Variants in ST6GALNAC1 observed in about 807,000 individuals in gnomAD.
ST6GALNAC1 encodes ST6 N-acetylgalactosaminide alpha-2,6-sialyltransferase 1.
ST6GALNAC1 carries 45 observed loss-of-function variants against 56.8 expected under a neutral mutation model. The ratio of observed to expected loss-of-function variants is 0.79; its 90% CI spans 0.62 to 1.02. ST6GALNAC1 has a LOEUF of 1.02. Ranked by LOEUF, ST6GALNAC1 falls within the 50% of genes least tolerant of loss-of-function variation. The probability of loss-of-function intolerance (pLI) is 0.00; values close to 1 mark genes in which losing one functional copy is unlikely to be tolerated. For synonymous variants in ST6GALNAC1, 295 were observed against 297.8 expected (o/e 0.99, Z 0.10); for missense variants, 743 against 754.8 (o/e 0.98, Z 0.18).
chr17:76,635,353 C>T (rs1038459705), intron 1 of ST6GALNAC1, among the ~76,000 whole-genome samples: 1 of 152,192 alleles, frequency 6.6e-6, no homozygotes, highest in Admixed American at 6.5e-5. Context: ...TGCCAGTCAG[C>T]TGGTTTGAAA....
the ST6GALNAC1 span, among the ~76,000 whole-genome samples, chr17:76,618,367 C>G: frequency 6.6e-6 from 1 of 152,138 alleles, no homozygotes; most frequent in Admixed American, 6.5e-5. Flanking sequence ...ATTCTTTAAT[C>G]TTCCCCTTTA....
intron 1 of ST6GALNAC1, 74 bp from the exon 2 acceptor site, chr17:76,629,785 T>TTTTG: frequency 1.0e-5 from 9 of 875,270 alleles, no homozygotes; most frequent in East Asian, 3.0e-5. Context: ...AGTTTTTTGT[T>TTTTG]TTTTTTTTTT....
downstream of ST6GALNAC1, among the ~76,000 whole-genome samples, chr17:76,621,621 G>A (rs1567948961): frequency 6.6e-6 from 1 of 151,948 alleles, no homozygotes; most frequent in Non-Finnish European, 1.5e-5. Flanking sequence ...AATTACAGGC[G>A]CCCACCACCA....
chr17:76,617,770 C>CAAA, the ST6GALNAC1 span, among the ~76,000 whole-genome samples: 1 of 101,378 alleles, frequency 9.9e-6, no homozygotes, highest in Non-Finnish European at 2.1e-5. Context: ...GACTCTGTCT[C>CAAA]AAAAAAAAAA....
downstream of ST6GALNAC1, among the ~76,000 whole-genome samples, chr17:76,623,807 T>G (rs189479974): frequency 6.6e-6 from 1 of 152,358 alleles, no homozygotes; most frequent in Non-Finnish European, 1.5e-5. Flanking sequence ...TACTTTGGAC[T>G]CGAGTAACAC....
At chr17:76,622,189 T>G (rs1308445497), downstream of ST6GALNAC1, among the ~76,000 whole-genome samples, 1 of 150,642 alleles carries the variant, frequency 6.6e-6, no homozygotes, top group Non-Finnish European at 1.5e-5. Flanking sequence ...TGTTCATATA[T>G]ATATATATAT....
At chr17:76,643,474 G>T in intron 1 of ST6GALNAC1, 34 bp downstream of exon 1, 1 of 1,609,140 alleles carries the variant, frequency 6.2e-7, no homozygotes, top group Non-Finnish European at 8.5e-7. Flanking sequence ...TCAAATGAAT[G>T]AAATATGAGG....
chr17:76,639,219 G>C (rs1025937401), intron 1 of ST6GALNAC1, among the ~76,000 whole-genome samples: 1 of 152,092 alleles, frequency 6.6e-6, no homozygotes, highest in Non-Finnish European at 1.5e-5. Context: ...TCATCAACAA[G>C]CATTTATAAA....
intron 1 of ST6GALNAC1, among the ~76,000 whole-genome samples, chr17:76,640,552 T>C (rs2076037198): frequency 6.6e-6 from 1 of 152,208 alleles, no homozygotes; most frequent in Non-Finnish European, 1.5e-5. Flanking sequence ...CTAGCTTGTC[T>C]TGGGTTTTTG....
At position 76,624,997 on chromosome 17, in the gene ST6GALNAC1, T is replaced by C; in HGVS notation, c.*333A>G. On this transcript the variant is annotated 3_prime_UTR_variant, in exon 9 of 9. Coordinates refer to ENST00000156626, the MANE Select transcript of ST6GALNAC1 (RefSeq NM_018414.5). ...TGGAATTCAAACCAGATCTATATGT[T>C]TCTGTAAATCCAGGCTCTTTTTTCT... The C allele has an allele frequency of 2.9e-6, 1 of 340,430 alleles. No individual in the cohort carries two copies. The highest frequency in any genetic ancestry group is 5.4e-6 in the Non-Finnish European group (1 of 184,348). The allele number at this position is 340,430 out of a possible 1,614,324, so 21.1% of individuals were successfully genotyped here.
intron 1 of ST6GALNAC1, among the ~76,000 whole-genome samples, chr17:76,632,311 G>T (rs1242421955): frequency 6.6e-6 from 1 of 151,914 alleles, no homozygotes; most frequent in Non-Finnish European, 1.5e-5. Context: ...CCTTAACTTG[G>T]CCGTGGCGGG....
chr17:76,640,366 C>G (rs8069348), intron 1 of ST6GALNAC1, among the ~76,000 whole-genome samples: 29,372 of 152,094 alleles, frequency 0.19, 3,617 homozygotes, highest in African/African-American at 0.35. Flanking sequence ...AGACCAGAAC[C>G]AGGCATCGCT....
chr17:76,635,346 C>T (rs776141462), intron 1 of ST6GALNAC1, among the ~76,000 whole-genome samples: 15 of 152,192 alleles, frequency 9.9e-5, no homozygotes, highest in Non-Finnish European at 1.6e-4. Context: ...GCCAGAATGC[C>T]AGTCAGCTGG....
intron 1 of ST6GALNAC1, 62 bp from the exon 2 acceptor site, chr17:76,629,773 G>C (rs1178570263): frequency 9.9e-7 from 1 of 1,010,032 alleles, no homozygotes; most frequent in Admixed American, 2.4e-5. Flanking sequence ...AGAAGCATAA[G>C]TAGTTTTTTG....
At chr17:76,621,153 TTCTTTTCTTC>T (rs2075735409), downstream of ST6GALNAC1, among the ~76,000 whole-genome samples, 4 of 150,718 alleles carry the variant, frequency 2.7e-5, no homozygotes, top group South Asian at 8.4e-4. Context: ...ATCCAGCTGT[TTCTTTTCTTC>T]TCTTTTCTTT....
At chr17:76,623,425 G>A (rs531336560), downstream of ST6GALNAC1, among the ~76,000 whole-genome samples, 50 of 152,282 alleles carry the variant, frequency 3.3e-4, no homozygotes, top group South Asian at 1.7e-3. Flanking sequence ...ATCGCACTAA[G>A]TTTATTAATT....
intron 1 of ST6GALNAC1, 72 bp from the exon 2 acceptor site, chr17:76,629,783 GTTT>G (rs879066241): frequency 1.1e-3 from 808 of 732,930 alleles, no homozygotes; most frequent in Middle Eastern, 1.7e-3. Flanking sequence ...GTAGTTTTTT[GTTT>G]TTTTTTTTTT....
At chr17:76,621,186 C>CTTTTTTTTTTTT (rs775271169), downstream of ST6GALNAC1, among the ~76,000 whole-genome samples, 2 of 110,048 alleles carry the variant, frequency 1.8e-5, no homozygotes, top group African/African-American at 6.8e-5. Flanking sequence ...TTCTTTCTTT[C>CTTTTTTTTTTTT]TTTTTTTTTT....
the ST6GALNAC1 span, among the ~76,000 whole-genome samples, chr17:76,619,478 T>C: frequency 6.6e-6 from 1 of 152,226 alleles, no homozygotes; most frequent in Non-Finnish European, 1.5e-5. Flanking sequence ...TTGTTCATTA[T>C]AGACTTGCCT....
Sources: allele counts gnomAD v4.1 joint callset (sites outside exome capture counted in the v4.1 genomes callset), GRCh38; gene constraint gnomAD v4.1.1; transcripts MANE v1.5; gene names NCBI Gene and HGNC (gene_info 2026-07-23, HGNC 2026-07-21).